Variants in RANBP2 observed in about 807,000 individuals in gnomAD.
RANBP2 encodes the protein RAN binding protein 2, also known as E3 SUMO-protein ligase RanBP2.
Under a neutral mutation model 303.6 loss-of-function variants are expected in RANBP2, and 57 were observed. That is an observed-to-expected ratio of 0.19 (90% CI 0.15 to 0.23). The LOEUF is 0.23. Ranked by LOEUF, RANBP2 falls within the 10% of genes least tolerant of loss-of-function variation. The pLI, the probability that RANBP2 is intolerant of heterozygous loss-of-function variation, is 1.00. For missense variants in RANBP2, 3,138 were observed against 3,780.8 expected (o/e 0.83, Z 4.46); for synonymous variants, 1,167 against 1,301.5 (o/e 0.90, Z 2.23).
the RANBP2 span, among the ~76,000 whole-genome samples, chr2:108,867,830 T>C: frequency 1.3e-5 from 2 of 152,222 alleles, no homozygotes; most frequent in African/African-American, 2.4e-5. Context: ...TCATCAGAAC[T>C]GGAATAAAAG....
At chr2:109,603,718 G>A in the RANBP2 span, among the ~76,000 whole-genome samples, 1 of 152,124 alleles carries the variant, frequency 6.6e-6, no homozygotes, top group African/African-American at 2.4e-5. Flanking sequence ...TACATAGTCA[G>A]AGAAAGCACT....
At chr2:108,737,352 T>C (rs1467934828) in intron 6 of RANBP2, among the ~76,000 whole-genome samples, 1 of 146,736 alleles carries the variant, frequency 6.8e-6, no homozygotes, top group Non-Finnish European at 1.5e-5. Context: ...TTTTTTTTGT[T>C]TTTTTGAGAT....
chr2:109,557,319 T>C, the RANBP2 span, among the ~76,000 whole-genome samples: 1 of 152,308 alleles, frequency 6.6e-6, no homozygotes, highest in East Asian at 1.9e-4. Context: ...GACCTAACAT[T>C]TGTTGAGTAT....
At chr2:109,399,190 A>G in the RANBP2 span, among the ~76,000 whole-genome samples, 4 of 152,140 alleles carry the variant, frequency 2.6e-5, no homozygotes, top group Non-Finnish European at 5.9e-5. Flanking sequence ...TCAGTGGTCC[A>G]GGGAATGTCT....
the RANBP2 span, among the ~76,000 whole-genome samples, chr2:109,514,410 G>A: frequency 1.3e-5 from 2 of 152,152 alleles, no homozygotes; most frequent in African/African-American, 4.8e-5. Context: ...CCGCCCCCAG[G>A]GCTAGTGAAT....
chr2:109,498,528 G>A, the RANBP2 span, among the ~76,000 whole-genome samples: 5 of 152,210 alleles, frequency 3.3e-5, no homozygotes, highest in African/African-American at 7.2e-5. Flanking sequence ...CTGTGAACAC[G>A]TGGGGTGGGG....
At chr2:108,929,418 A>C in the RANBP2 span, 1 of 1,607,044 alleles carries the variant, frequency 6.2e-7, no homozygotes, top group South Asian at 1.1e-5. Flanking sequence ...AGGTGAGTGC[A>C]GCAGCCAAAC....
At chr2:109,358,123 G>A in the RANBP2 span, among the ~76,000 whole-genome samples, 1 of 152,126 alleles carries the variant, frequency 6.6e-6, no homozygotes, top group Non-Finnish European at 1.5e-5. Context: ...TTCCCAGAAC[G>A]TCATACGGTT....
the RANBP2 span, among the ~76,000 whole-genome samples, chr2:109,274,287 GTGTGCCCAAAAGAAT>G: frequency 2.0e-5 from 3 of 152,158 alleles, no homozygotes; most frequent in East Asian, 5.8e-4. Context: ...ATTCCTAGGT[GTGTGCCCAAAAGAAT>G]TAAAAAACAG....
chr2:108,852,423 T>C, the RANBP2 span, among the ~76,000 whole-genome samples: 1 of 152,126 alleles, frequency 6.6e-6, no homozygotes, highest in African/African-American at 2.4e-5. Flanking sequence ...CTAATAGAAA[T>C]TGTTCTATTA....
At chr2:109,589,075 C>A in the RANBP2 span, among the ~76,000 whole-genome samples, 1 of 151,632 alleles carries the variant, frequency 6.6e-6, no homozygotes, top group African/African-American at 2.4e-5. Context: ...GGATTATAGG[C>A]GCCACCACGC....
the RANBP2 span, chr2:109,616,843 GCCT>G: frequency 6.0e-6 from 1 of 166,986 alleles, no homozygotes; most frequent in Admixed American, 6.5e-5. Flanking sequence ...ACACTTAGCA[GCCT>G]ATGATAGTTT....
chr2:109,340,415 C>G, the RANBP2 span, among the ~76,000 whole-genome samples: 34 of 152,278 alleles, frequency 2.2e-4, no homozygotes, highest in Non-Finnish European at 4.3e-4. Context: ...GAAGCACATA[C>G]CTCAACCCTG....
At chr2:109,026,432 G>A in the RANBP2 span, among the ~76,000 whole-genome samples, 97 of 151,788 alleles carry the variant, frequency 6.4e-4, 1 homozygote, top group East Asian at 0.017. Flanking sequence ...CCTGGACAGC[G>A]CATTATTTTA....
chr2:108,972,145 C>T, the RANBP2 span, among the ~76,000 whole-genome samples: 15 of 152,380 alleles, frequency 9.8e-5, no homozygotes, highest in African/African-American at 3.4e-4. Context: ...CCCTCAAAAT[C>T]TGTGGGATGG....
chr2:109,405,701 C>G, the RANBP2 span, among the ~76,000 whole-genome samples: 1 of 152,198 alleles, frequency 6.6e-6, no homozygotes, highest in South Asian at 2.1e-4. Context: ...TTCTATGGCC[C>G]CATGTCACCT....
At chr2:109,220,416 A>G in the RANBP2 span, among the ~76,000 whole-genome samples, 1 of 152,238 alleles carries the variant, frequency 6.6e-6, no homozygotes, top group Non-Finnish European at 1.5e-5. Context: ...CAAGAAAAAA[A>G]TACATAATTT....
the RANBP2 span, among the ~76,000 whole-genome samples, chr2:109,542,311 A>T: frequency 6.6e-6 from 1 of 152,212 alleles, no homozygotes; most frequent in Admixed American, 6.5e-5. Context: ...TTGCGGCTGA[A>T]GCAGGAGTGA....
intron 17 of RANBP2, among the ~76,000 whole-genome samples, chr2:108,758,183 G>A (rs558493157): frequency 6.6e-6 from 1 of 151,960 alleles, no homozygotes; most frequent in East Asian, 1.9e-4. Flanking sequence ...TGTAATCCGA[G>A]CTACTCAGGG....
Sources: allele counts gnomAD v4.1 joint callset (sites outside exome capture counted in the v4.1 genomes callset), GRCh38; gene constraint gnomAD v4.1.1; transcripts MANE v1.5; gene names NCBI Gene and HGNC (gene_info 2026-07-23, HGNC 2026-07-21).